Variants in ADPRHL1 observed in about 807,000 individuals in gnomAD.
ADPRHL1 encodes the protein inactive ADP-ribosyltransferase ARH2.
Under a neutral mutation model 44.1 loss-of-function variants are expected in ADPRHL1, and 43 were observed. The observed-to-expected ratio is 0.98, with a 90% CI of 0.76 to 1.26. ADPRHL1 has a LOEUF of 1.26. Ranked by LOEUF, ADPRHL1 falls within the 50% of genes most tolerant of loss-of-function variation. The pLI, the probability that ADPRHL1 is intolerant of heterozygous loss-of-function variation, is 0.00. For synonymous variants in ADPRHL1, 878 were observed against 1,017.4 expected, an observed-to-expected ratio of 0.86 and a Z score of 2.61; for missense variants, 2,022 against 2,496.9, an observed-to-expected ratio of 0.81 and a Z score of 4.05.
rs190623578 is a variant in ADPRHL1, at chr13:113,428,976, T to G, written c.622A>C (p.Arg208=). 1 of 1,612,770 alleles carries G rather than the reference T, an allele frequency of 6.2e-7. No homozygotes were observed. Among genetic ancestry groups the G allele is most frequent in the Non-Finnish European group, 8.5e-7 (1 of 1,180,004 alleles). Residue 208 remains arginine, a synonymous_variant, in exon 4 of 8, where the codon AGG becomes CGG. Coordinates refer to ENST00000612156, the MANE Select transcript of ADPRHL1 (RefSeq NM_001394807.1). ...CCTGCCGTGTGCCGGATGGTCTTCC[T>G]GCAGTACTCTTCTGCCAGAGGCACC... The part of the protein sequence containing the change: ...RAVPLAEEYC[R]KTIRHTAEYQ...
rs138187367 is a variant in ADPRHL1, at chr13:113,424,462, C to T, written c.775-113G>A. 200 of 1,442,046 alleles carry T rather than the reference C, an allele frequency of 1.4e-4. No homozygotes were observed. In the African/African-American group the frequency reaches 2.6e-3, roughly 18 times the overall value. 89.3% of individuals were successfully genotyped at this position (1,442,046 alleles called of 1,614,324 possible). A position where few individuals can be genotyped will look rare whatever the true frequency, so the allele number is the denominator to read the frequency against. On this transcript the variant is annotated intron_variant, in intron 5 of 7. Coordinates refer to ENST00000612156, the MANE Select transcript of ADPRHL1 (RefSeq NM_001394807.1). The stretch of plus-strand genomic sequence containing the variant: ...GTGAACTGCCATTTCATCCATCCAC[C>T]CTTTTCTTTTTGAGATGAATCTGGC...
At position 113,453,253 on chromosome 13, in the gene ADPRHL1, T is replaced by G. The variant is rs774697551; in HGVS notation, c.185A>C (p.His62Pro). 1.4e-5 allele frequency: 23 copies of G among 1,613,982 alleles called. No individual in the cohort carries two copies. The highest frequency in any genetic ancestry group is 1.9e-5 in the Non-Finnish European group (23 of 1,180,028). ...GGTGAGGGCCTCGGCGGTTGCGATGTGCATGATGGTGTTGTCACTCACGGG... is the reference window on the plus strand; with the variant it reads ...GGTGAGGGCCTCGGCGGTTGCGATGGGCATGATGGTGTTGTCACTCACGGG... ...EWPVSDNTIM[H>P]IATAEALTTD... The change falls in exon 1 of 8, where the codon CAC (histidine) becomes CCC (proline). Residue 62 changes from histidine (H) to proline (P), a missense_variant. Around this residue, in one of 8 missense-constraint regions of ADPRHL1, gnomAD observed 437 missense variants for 430.7 expected, o/e 1.01. Coordinates refer to ENST00000612156, the MANE Select transcript of ADPRHL1 (RefSeq NM_001394807.1). The surrounding 1 kb of genome is among the most constrained non-coding windows in gnomAD (Gnocchi z 5.4).
chr13:113,409,620 C>G lies in ADPRHL1; in HGVS notation c.1062-1400G>C. ...GAAGCTGAGGCCGGGCGCCGTGGCT[C>G]ACGCCTGTAATCTCAGCGTGATTTG... On this transcript the variant is annotated intron_variant, in intron 7 of 7. Transcript: ENST00000612156. This position sits in a 1 kb window ranked among gnomAD's most constrained non-coding sequence, Gnocchi z 4.2. 4 of 985,340 alleles carry G rather than the reference C, an allele frequency of 4.1e-6. No homozygotes were observed. The highest frequency in any genetic ancestry group is 4.8e-6 in the Non-Finnish European group (4 of 829,898). The allele number at this position is 985,340 out of a possible 1,614,324, so 61.0% of individuals were successfully genotyped here.
chr13:113,424,738 AC>A (rs2043953010), intron 5 of ADPRHL1, among the ~76,000 whole-genome samples: 1 of 44,090 alleles, frequency 2.3e-5, no homozygotes, highest in Admixed American at 2.6e-4. Context: ...CCATCCATTC[AC>A]CCACGCTTCT....
At chr13:113,422,804 A>T in intron 7 of ADPRHL1, 22 bp downstream of exon 7, 1 of 1,612,012 alleles carries the variant, frequency 6.2e-7, no homozygotes, top group East Asian at 2.2e-5. Context: ...CTCTAGGGGG[A>T]AAGTGGCAGA....
intron 7 of ADPRHL1, among the ~76,000 whole-genome samples, chr13:113,420,692 T>G (rs1441390933): frequency 6.6e-6 from 1 of 152,022 alleles, no homozygotes; most frequent in Non-Finnish European, 1.5e-5. Context: ...AGCAGCACAG[T>G]TAGTCCAGTT....
chr13:113,404,689 G>C lies in ADPRHL1; in HGVS notation c.4593C>G (p.His1531Gln), dbSNP rs1163977278. The change falls in exon 8 of 8, where the codon CAC becomes CAG. Residue 1531 changes from histidine (H) to glutamine (Q), a missense_variant. Physicochemically the swap from His to Gln is conservative, Grantham distance 24. Transcript: ENST00000612156. Reference sequence around the variant, plus strand: ...ACTGTTTCTGGGCCTGTCCCTGACTGTGTCCCTGGGTCCCACCCTGAGCCT... The same window carrying C: ...ACTGTTTCTGGGCCTGTCCCTGACTCTGTCCCTGGGTCCCACCCTGAGCCT... ...QEQAQGGTQG[H>Q]SQGQAQKQFQ... The C allele has an allele frequency of 5.7e-6, 7 of 1,229,438 alleles. No individual in the cohort carries two copies. Among genetic ancestry groups the C allele is most frequent in the South Asian group, 6.9e-5 (2 of 28,902 alleles). The allele number at this position is 1,229,438 out of a possible 1,614,324, so 76.2% of individuals were successfully genotyped here.
Position 113,426,337 on chromosome 13 carries a change from C to T in ADPRHL1, c.647-1158G>A, listed in dbSNP as rs1303286192. On this transcript the variant is annotated intron_variant, in intron 4 of 7. Transcript: ENST00000612156. Reference sequence around the variant, plus strand: ...CACCCCACCTCCTGCTCCCTGGCACCGCGGGAGCCACAGAGGGTGGGAGCC... The same window carrying T: ...CACCCCACCTCCTGCTCCCTGGCACTGCGGGAGCCACAGAGGGTGGGAGCC... 3.3e-5 allele frequency among the ~76,000 whole-genome samples: 5 copies of T among 152,336 alleles called. No individual in the cohort carries two copies. In the East Asian group the frequency reaches 7.7e-4, roughly 24 times the overall value.
intron 2 of ADPRHL1, among the ~76,000 whole-genome samples, chr13:113,439,389 C>G (rs2044082106): frequency 6.6e-6 from 1 of 151,820 alleles, no homozygotes. Context: ...TCCCAAAGTA[C>G]TGGGATCACG....
chr13:113,418,938 C>A (rs187502486), intron 7 of ADPRHL1, among the ~76,000 whole-genome samples: 45 of 100,592 alleles, frequency 4.5e-4, no homozygotes, highest in Admixed American at 1.2e-4. Flanking sequence ...GGGAGCTACA[C>A]CTTGCTGGGC....
At position 113,405,740 on chromosome 13, in the gene ADPRHL1, A is replaced by G; in HGVS notation, c.3542T>C (p.Leu1181Ser). Reference protein sequence around the residue: ...SHGLLAPGGSLEPKSGAAGRS... With the variant: ...SHGLLAPGGSSEPKSGAAGRS... ...CCCTGCTGCTCCACTCTTGGGCTCC[A>G]AGGATCCCCCAGGGGCCAGGAGGCC... Residue 1181 changes from leucine to serine, a missense_variant, in exon 8 of 8, where the codon TTG becomes TCG. By Grantham distance (145) the Leu-to-Ser change is moderately radical. Transcript: ENST00000612156. The G allele has an allele frequency of 8.1e-7, 1 of 1,231,784 alleles. No individual in the cohort carries two copies. The highest frequency in any genetic ancestry group is 1.0e-6 in the Non-Finnish European group (1 of 988,018). 76.3% of individuals were successfully genotyped at this position (1,231,784 alleles called of 1,614,324 possible). A position where few individuals can be genotyped will look rare whatever the true frequency, so the allele number is the denominator to read the frequency against.
chr13:113,452,858 C>T lies in ADPRHL1; in HGVS notation c.214+366G>A, dbSNP rs546333674. The stretch of plus-strand genomic sequence containing the variant: ...CTCTGCAGCGAGAAGTGAGCCCTCA[C>T]CCTACTCCCACCAGCACGGCCGAGA... On this transcript the variant is annotated intron_variant, in intron 1 of 7. Transcript: ENST00000612156. 2.0e-5 allele frequency among the ~76,000 whole-genome samples: 3 copies of T among 152,328 alleles called. No individual in the cohort carries two copies. In the South Asian group the frequency reaches 6.2e-4, roughly 32 times the overall value.
intron 4 of ADPRHL1, 131 bp from the exon 5 acceptor site, chr13:113,425,310 G>T: frequency 1.1e-6 from 1 of 897,758 alleles, no homozygotes. Context: ...CTACCCAGCT[G>T]CAGGCATGTG....
At chr13:113,426,578 A>G (rs3892382) in intron 4 of ADPRHL1, among the ~76,000 whole-genome samples, 126,461 of 152,246 alleles carry the variant, frequency 0.83, 52,699 homozygotes, top group Admixed American at 0.87. Flanking sequence ...GACGAGGCTC[A>G]CAGGCACCCG....
intron 4 of ADPRHL1, among the ~76,000 whole-genome samples, chr13:113,426,950 G>A (rs1171030193): frequency 6.6e-6 from 1 of 152,200 alleles, no homozygotes; most frequent in Non-Finnish European, 1.5e-5. Context: ...GGTGTCCTAC[G>A]GGACTTAACG....
chr13:113,400,209 A>T lies in ADPRHL1; in HGVS notation c.*3169T>A, dbSNP rs186176378. The stretch of plus-strand genomic sequence containing the variant: ...CACCCAGGCTGGAGTGCAGTGGCGC[A>T]ATCTCGGCTCACTGCAAGCTCCACC... On this transcript the variant is annotated 3_prime_UTR_variant, in exon 8 of 8. Coordinates refer to ENST00000612156, the MANE Select transcript of ADPRHL1 (RefSeq NM_001394807.1). The T allele has an allele frequency of 4.2e-5, 6 of 142,898 alleles. No homozygotes were observed. The highest frequency in any genetic ancestry group is 1.6e-4 in the African/African-American group (6 of 38,506). 8.9% of individuals were successfully genotyped at this position (142,898 alleles called of 1,614,324 possible).
intron 2 of ADPRHL1, among the ~76,000 whole-genome samples, chr13:113,434,670 C>T (rs1421517991): frequency 6.2e-5 from 9 of 145,234 alleles, no homozygotes; most frequent in Admixed American, 1.4e-4. Context: ...CAGGTGTACC[C>T]CGGGACCCGG....
chr13:113,433,985 AGT>A (rs1310824729), intron 2 of ADPRHL1, 118 bp from the exon 3 acceptor site: 82 of 1,391,130 alleles, frequency 5.9e-5, no homozygotes, highest in Non-Finnish European at 4.7e-6. Context: ...ATGTTATCAG[AGT>A]GTGGTTTAAA....
Position 113,407,992 on chromosome 13 carries a change from C to T in ADPRHL1, c.1290G>A (p.Gln430=), listed in dbSNP as rs896837747. 26 of 1,232,420 alleles carry T rather than the reference C, an allele frequency of 2.1e-5. No individual in the cohort carries two copies. In the South Asian group the frequency reaches 8.6e-4, roughly 41 times the overall value. The allele number at this position is 1,232,420 out of a possible 1,614,324, so 76.3% of individuals were successfully genotyped here. ...QEATQRPTRF[Q]LLQAKFLGTG... ...TGCCCAGGAACTTGGCCTGCAGGAG[C>T]TGGAAGCGCGTGGGCCGCTGGGTGG... Residue 430 remains glutamine, a synonymous_variant, in exon 8 of 8, where the codon CAG becomes CAA. Coordinates refer to ENST00000612156, the MANE Select transcript of ADPRHL1 (RefSeq NM_001394807.1).
Sources: allele counts gnomAD v4.1 joint callset (sites outside exome capture counted in the v4.1 genomes callset), GRCh38; gene constraint gnomAD v4.1.1; regional missense constraint gnomAD v4.1.1; non-coding constraint Gnocchi (gnomAD v3.1); transcripts MANE v1.5; gene names NCBI Gene and HGNC (gene_info 2026-07-23, HGNC 2026-07-21).